The following ZMAT4 variants were observed in gnomAD, a reference collection of about 807,000 sequenced individuals.
ZMAT4 encodes zinc finger matrin-type 4.
ZMAT4 carries 17 observed loss-of-function variants against 28.7 expected under a neutral mutation model. The observed-to-expected ratio is 0.59, with a 90% CI of 0.41 to 0.89. ZMAT4 has a LOEUF of 0.89. Ranked by LOEUF, ZMAT4 falls within the 40% of genes least tolerant of loss-of-function variation. The pLI, the probability that ZMAT4 is intolerant of heterozygous loss-of-function variation, is 0.00. For missense variants in ZMAT4, 240 were observed against 283.8 expected (o/e 0.85, Z 1.11); for synonymous variants, 117 against 109.2 (o/e 1.07, Z -0.44).
At chr8:40,777,652 G>A (rs1813654190) in intron 2 of ZMAT4, among the ~76,000 whole-genome samples, 1 of 152,180 alleles carries the variant, frequency 6.6e-6, no homozygotes, top group Admixed American at 6.5e-5. Context: ...CACTGAGAGG[G>A]GCCACAGAGA....
chr8:40,746,598 G>T (rs879414389), intron 3 of ZMAT4, among the ~76,000 whole-genome samples: 3 of 151,812 alleles, frequency 2.0e-5, no homozygotes, highest in Non-Finnish European at 4.4e-5. Flanking sequence ...CCTGACCTCT[G>T]CCCACCTTGG....
intron 6 of ZMAT4, among the ~76,000 whole-genome samples, chr8:40,558,165 G>C (rs1010601364): frequency 1.3e-5 from 2 of 152,144 alleles, no homozygotes; most frequent in Non-Finnish European, 2.9e-5. Flanking sequence ...ATTTGCCTGA[G>C]CCAAGGCAGG....
chr8:40,689,720 A>G (rs1809573949), intron 4 of ZMAT4, among the ~76,000 whole-genome samples: 2 of 151,618 alleles, frequency 1.3e-5, no homozygotes, highest in Non-Finnish European at 2.9e-5. Flanking sequence ...TTGAATAGTA[A>G]TGTGTTTTGC....
At chr8:40,893,918 T>A (rs1818781488) in intron 1 of ZMAT4, among the ~76,000 whole-genome samples, 1 of 152,216 alleles carries the variant, frequency 6.6e-6, no homozygotes, top group Non-Finnish European at 1.5e-5. Flanking sequence ...CATACACACA[T>A]CTTTGATTTC....
chr8:40,658,467 G>A lies in ZMAT4; in HGVS notation c.577+16237C>T, dbSNP rs116971211. 9.9e-3 allele frequency among the ~76,000 whole-genome samples: 1,507 copies of A among 152,088 alleles called. 11 individuals are homozygous for A. Among genetic ancestry groups the A allele is most frequent in the Middle Eastern group, 0.065 (19 of 294 alleles). On this transcript the variant is annotated intron_variant, in intron 5 of 6. Transcript: ENST00000297737. ...ATGTGTGTGTGGTAGCGGTGGTGTG[G>A]GAATTGGGATGGGGCATGGGGGGTT...
chr8:40,601,469 GAAA>G (rs1805318506), intron 5 of ZMAT4, among the ~76,000 whole-genome samples: 7 of 6,934 alleles, frequency 1.0e-3, no homozygotes, highest in Non-Finnish European at 2.0e-3. Context: ...AGGAAGAAAG[GAAA>G]GAAAGAAAGA....
chr8:40,737,649 C>T (rs1294577607), intron 3 of ZMAT4, among the ~76,000 whole-genome samples: 2 of 152,064 alleles, frequency 1.3e-5, no homozygotes, highest in Admixed American at 6.6e-5. Flanking sequence ...GTGAGCGGGA[C>T]GTAAATGAGA....
rs1563359900 is a variant in ZMAT4, at chr8:40,601,458, G to GGAAGGA, written c.578-20198_578-20197insTCCTTC. Among the ~76,000 whole-genome samples, 61 of 28,210 alleles carry GGAAGGA rather than the reference G, an allele frequency of 2.2e-3. 5 individuals are homozygous for GGAAGGA. Among genetic ancestry groups the GGAAGGA allele is most frequent in the African/African-American group, 0.01 (54 of 5,390 alleles). The allele number at this position is 28,210 out of a possible 152,430, so 18.5% of individuals were successfully genotyped here. On this transcript the variant is annotated intron_variant, in intron 5 of 6. Coordinates refer to ENST00000297737, the MANE Select transcript of ZMAT4 (RefSeq NM_024645.3). Reference sequence around the variant, plus strand: ...GAAGGAAGGAAGGAAGGAAGGAAGGGAGGAAGAAAGGAAAGAAAGAAAGAA... The same window carrying GGAAGGA: ...GAAGGAAGGAAGGAAGGAAGGAAGGGGAAGGAAGGAAGAAAGGAAAGAAAGAAAGAA...
rs572642481 is a variant in ZMAT4, at chr8:40,793,308, T to G, written c.103-25578A>C. ...AACAAACAAACAAACAAAACCCTAC[T>G]TTGCCTTTCATTGCCAGGTAAGAAG... On this transcript the variant is annotated intron_variant, in intron 2 of 6. Transcript: ENST00000297737. Among the ~76,000 whole-genome samples, 7 of 152,322 alleles carry G rather than the reference T, an allele frequency of 4.6e-5. No individual in the cohort carries two copies. In the South Asian group the frequency reaches 1.0e-3, roughly 23 times the overall value.
At chr8:40,697,042 T>C (rs894073805) in intron 4 of ZMAT4, 3 of 492,628 alleles carry the variant, frequency 6.1e-6, no homozygotes, top group Non-Finnish European at 3.5e-6. Flanking sequence ...ACTAGGGTGA[T>C]AGAATGAGCA....
chr8:40,710,421 A>G (rs1356914230), intron 3 of ZMAT4, among the ~76,000 whole-genome samples: 1 of 152,214 alleles, frequency 6.6e-6, no homozygotes, highest in African/African-American at 2.4e-5. Flanking sequence ...GGCGAGTATC[A>G]AACCCTGTAA....
At position 40,632,436 on chromosome 8, in the gene ZMAT4, G is replaced by T. The variant is rs1806626044; in HGVS notation, c.577+42268C>A. 2.0e-5 allele frequency among the ~76,000 whole-genome samples: 3 copies of T among 152,096 alleles called. No homozygotes were observed. In the South Asian group the frequency reaches 6.2e-4, roughly 32 times the overall value. On this transcript the variant is annotated intron_variant, in intron 5 of 6. Coordinates refer to ENST00000297737, the MANE Select transcript of ZMAT4 (RefSeq NM_024645.3). ...AAAGAGAACATATGCCCCTGTTGTG[G>T]GTTAAATAGGGACTCCCAGAGGATA...
intron 1 of ZMAT4, among the ~76,000 whole-genome samples, chr8:40,879,911 G>C (rs1018213397): frequency 1.3e-5 from 2 of 150,368 alleles, no homozygotes; most frequent in Non-Finnish European, 3.0e-5. Context: ...CCATTGTATG[G>C]ACGTACCGAA....
rs534602569 is a variant in ZMAT4 at position 40,882,843 on chromosome 8, T to C, written c.-5+14840A>G. On this transcript the variant is annotated intron_variant, in intron 1 of 6. Transcript: ENST00000297737. ...TCAACTTCGGTTCGCTATAGCTCTGTGCTCCCACGTTCTCTATTTCATCCC... is the reference window on the plus strand; with the variant it reads ...TCAACTTCGGTTCGCTATAGCTCTGCGCTCCCACGTTCTCTATTTCATCCC... Among the ~76,000 whole-genome samples, 41 of 152,272 alleles carry C rather than the reference T, an allele frequency of 2.7e-4. 1 individual carries two copies. Among genetic ancestry groups the C allele is most frequent in the Admixed American group, 2.5e-3 (38 of 15,294 alleles).
At chr8:40,742,087 A>AACAAAAAAC (rs1554549263) in intron 3 of ZMAT4, among the ~76,000 whole-genome samples, 3 of 148,608 alleles carry the variant, frequency 2.0e-5, no homozygotes, top group Admixed American at 6.7e-5. Context: ...AAAAATACAA[A>AACAAAAAAC]AAAAAACAAA....
chr8:40,542,174 G>A (rs1200257278), intron 6 of ZMAT4, among the ~76,000 whole-genome samples: 2 of 152,118 alleles, frequency 1.3e-5, no homozygotes, highest in Non-Finnish European at 2.9e-5. Flanking sequence ...AGAATGGGAA[G>A]TAGTGTGGAA....
intron 1 of ZMAT4, among the ~76,000 whole-genome samples, chr8:40,847,195 T>C (rs1816933922): frequency 7.5e-6 from 1 of 134,050 alleles, no homozygotes; most frequent in Admixed American, 8.2e-5. Context: ...TAGAGAAAGA[T>C]TCCATCTAAA....
intron 1 of ZMAT4, among the ~76,000 whole-genome samples, chr8:40,842,839 G>T (rs191447607): frequency 1.3e-5 from 2 of 152,114 alleles, no homozygotes; most frequent in Admixed American, 1.3e-4. Context: ...GCAATGGCGC[G>T]ATCTCTGCTT....
At chr8:40,759,281 CAAAAAAA>C (rs55670597) in intron 3 of ZMAT4, among the ~76,000 whole-genome samples, 5 of 101,264 alleles carry the variant, frequency 4.9e-5, no homozygotes, top group Non-Finnish European at 6.1e-5. Flanking sequence ...GACTCCATCT[CAAAAAAA>C]AAAAAAAAAA....
Sources: allele counts gnomAD v4.1 joint callset (sites outside exome capture counted in the v4.1 genomes callset), GRCh38; gene constraint gnomAD v4.1.1; transcripts MANE v1.5; gene names NCBI Gene and HGNC (gene_info 2026-07-23, HGNC 2026-07-21).